The following KIAA1217 variants were observed in gnomAD, a reference collection of about 807,000 sequenced individuals.
KIAA1217 encodes KIAA1217, also known as sickle tail protein homolog.
In KIAA1217, 88 loss-of-function variants were observed where a neutral mutation model predicts 163.9. That is an observed-to-expected ratio of 0.54 (90% CI 0.45 to 0.64). The LOEUF (loss-of-function observed/expected upper bound fraction) is 0.64. KIAA1217 is among the 30% of genes least tolerant of loss of function. The pLI, the probability that KIAA1217 is intolerant of heterozygous loss-of-function variation, is 0.00. For missense variants in KIAA1217, 2,372 were observed against 2,475.0 expected, an observed-to-expected ratio of 0.96 and a Z score of 0.88; for synonymous variants, 903 against 923.1, an observed-to-expected ratio of 0.98 and a Z score of 0.39.
intron 1 of KIAA1217, among the ~76,000 whole-genome samples, chr10:23,719,359 T>C (rs1466308705): frequency 6.6e-6 from 1 of 152,018 alleles, no homozygotes; most frequent in Non-Finnish European, 1.5e-5. Flanking sequence ...GGAGAGCAGA[T>C]CACTTGAGGC....
intron 1 of KIAA1217, 59 bp from the exon 2 acceptor site, chr10:24,219,567 G>A: frequency 7.1e-7 from 1 of 1,417,828 alleles, no homozygotes; most frequent in Non-Finnish European, 9.5e-7. Context: ...TTGGTGTTCT[G>A]CAAATGAGAC....
chr10:24,355,861 G>T (rs899876066), intron 2 of KIAA1217, among the ~76,000 whole-genome samples: 4 of 141,518 alleles, frequency 2.8e-5, no homozygotes, highest in African/African-American at 8.0e-5. Context: ...CCATTCTCCT[G>T]CTTCAGCCTC....
chr10:24,255,343 AGCG>A, intron 2 of KIAA1217: 1 of 292,084 alleles, frequency 3.4e-6, no homozygotes, highest in Non-Finnish European at 6.8e-6. Flanking sequence ...TCAAATCCTG[AGCG>A]GCTGACTGTC....
intron 1 of KIAA1217, among the ~76,000 whole-genome samples, chr10:23,941,605 G>A (rs1843770843): frequency 6.6e-6 from 1 of 152,096 alleles, no homozygotes; most frequent in Non-Finnish European, 1.5e-5. Context: ...TCTCGGGGAG[G>A]TGACCACAGA....
intron 2 of KIAA1217, among the ~76,000 whole-genome samples, chr10:24,354,011 A>C (rs2048771889): frequency 6.6e-6 from 1 of 152,134 alleles, no homozygotes; most frequent in Non-Finnish European, 1.5e-5. Context: ...TTCTCCACGG[A>C]TTATCTTCCT....
intron 2 of KIAA1217, among the ~76,000 whole-genome samples, chr10:24,013,270 C>T (rs886127221): frequency 5.3e-5 from 8 of 151,816 alleles, no homozygotes; most frequent in African/African-American, 1.5e-4. Context: ...AGACAAGCTT[C>T]GTTTGGGCAT....
chr10:24,436,955 A>G (rs1167266137), intron 4 of KIAA1217, among the ~76,000 whole-genome samples: 3 of 152,090 alleles, frequency 2.0e-5, no homozygotes, highest in Non-Finnish European at 4.4e-5. Flanking sequence ...TCCTTAGGGA[A>G]ATGCTATGGA....
At chr10:23,764,010 G>A (rs775359004) in intron 1 of KIAA1217, among the ~76,000 whole-genome samples, 10 of 152,088 alleles carry the variant, frequency 6.6e-5, no homozygotes, top group Non-Finnish European at 1.0e-4. Flanking sequence ...TATCATCAAA[G>A]TGAACAGGCA....
chr10:24,388,758 C>G (rs1421051470), intron 3 of KIAA1217, among the ~76,000 whole-genome samples: 15 of 152,100 alleles, frequency 9.9e-5, no homozygotes, highest in Non-Finnish European at 2.2e-4. Flanking sequence ...TATGAACAGA[C>G]ACTTCTCAAA....
intron 17 of KIAA1217, among the ~76,000 whole-genome samples, chr10:24,541,699 C>T (rs1471667501): frequency 6.6e-6 from 1 of 152,178 alleles, no homozygotes; most frequent in Non-Finnish European, 1.5e-5. Context: ...TTGGGAAAGG[C>T]CAGGCCTCCA....
chr10:23,909,004 G>A (rs190201432), intron 1 of KIAA1217, among the ~76,000 whole-genome samples: 71 of 152,080 alleles, frequency 4.7e-4, no homozygotes, highest in African/African-American at 1.7e-3. Flanking sequence ...TATATAGAAA[G>A]AGGAATACTA....
At chr10:24,166,508 C>T (rs879918515) in intron 2 of KIAA1217, among the ~76,000 whole-genome samples, 2 of 152,032 alleles carry the variant, frequency 1.3e-5, no homozygotes, top group African/African-American at 2.4e-5. Context: ...CAGGTCAAGG[C>T]GGGTGGATCA....
chr10:23,767,665 G>A (rs1474822245), intron 1 of KIAA1217, among the ~76,000 whole-genome samples: 2 of 152,112 alleles, frequency 1.3e-5, no homozygotes, highest in Non-Finnish European at 2.9e-5. Flanking sequence ...GGAGGAAGAG[G>A]CCGTGAACCC....
chr10:24,390,944 A>G (rs1276994040), intron 3 of KIAA1217, among the ~76,000 whole-genome samples: 1 of 152,196 alleles, frequency 6.6e-6, no homozygotes, highest in East Asian at 1.9e-4. Context: ...GTAAAAGATC[A>G]TGTGGATTCA....
chr10:24,087,137 A>G (rs2061725021), intron 2 of KIAA1217, among the ~76,000 whole-genome samples: 1 of 152,240 alleles, frequency 6.6e-6, no homozygotes, highest in African/African-American at 2.4e-5. Flanking sequence ...GAATGGGAGA[A>G]AAAATTAGTG....
chr10:24,188,671 A>T (rs1310969185), intron 2 of KIAA1217, among the ~76,000 whole-genome samples: 1 of 152,042 alleles, frequency 6.6e-6, no homozygotes, highest in African/African-American at 2.4e-5. Flanking sequence ...GGCCTTAAAG[A>T]ATCAAGTGTA....
chr10:23,960,548 C>T (rs941107654), intron 1 of KIAA1217, among the ~76,000 whole-genome samples: 3 of 152,198 alleles, frequency 2.0e-5, no homozygotes, highest in Admixed American at 6.5e-5. Context: ...TGAGCCACCA[C>T]GCCTGGCTAC....
At chr10:23,715,576 AT>A (rs946825680) in intron 1 of KIAA1217, among the ~76,000 whole-genome samples, 46 of 152,250 alleles carry the variant, frequency 3.0e-4, no homozygotes, top group African/African-American at 1.1e-3. Flanking sequence ...AAGATTTTAC[AT>A]TTCTTTTATG....
chr10:24,381,049 A>T lies in KIAA1217; in HGVS notation c.535A>T (p.Thr179Ser), dbSNP rs780497334. The T allele has an allele frequency of 1.9e-6, 3 of 1,569,898 alleles. No homozygotes were observed. Among genetic ancestry groups the T allele is most frequent in the Middle Eastern group, 1.7e-4 (1 of 5,856 alleles). ...TCCTGTGGTGAGGTCAACCAACCAGACGAAAGAAAGATCTCTGGGTAAGCT... is the reference window on the plus strand; with the variant it reads ...TCCTGTGGTGAGGTCAACCAACCAGTCGAAAGAAAGATCTCTGGGTAAGCT... ...SLPVVRSTNQ[T>S]KERSLGVLYL... Residue 179 changes from threonine (T) to serine (S), a missense_variant, in exon 3 of 21, where the codon ACG (threonine) becomes TCG (serine). By Grantham distance (58) the Thr-to-Ser change is moderately conservative (BLOSUM62 1). Around this residue, in one of 3 missense-constraint regions of KIAA1217, gnomAD observed 1,431 missense variants for 1,470.3 expected, o/e 0.97. Coordinates refer to ENST00000376454, the MANE Select transcript of KIAA1217 (RefSeq NM_019590.5).
Sources: gnomAD v4.1 joint callset for allele counts (sites outside exome capture counted in the v4.1 genomes callset) on GRCh38, gnomAD v4.1.1 for gene constraint, gnomAD v4.1.1 regional missense constraint, MANE v1.5 for transcripts, NCBI Gene and HGNC (gene_info 2026-07-23, HGNC 2026-07-21) for gene names.